The following ADARB2 variants were observed in gnomAD, a reference collection of about 807,000 sequenced individuals.
ADARB2 encodes inactive double-stranded RNA-specific editase B2.
In ADARB2, 25 loss-of-function variants were observed where a neutral mutation model predicts 62.2. The ratio of observed to expected loss-of-function variants is 0.40; its 90% CI spans 0.29 to 0.56. The LOEUF (loss-of-function observed/expected upper bound fraction) is 0.56. ADARB2 is among the 20% of genes least tolerant of loss of function. ADARB2 has a pLI of 0.43. For synonymous variants in ADARB2, 572 were observed against 500.8 expected (o/e 1.14, Z -1.90); for missense variants, 1,071 against 1,077.4 (o/e 0.99, Z 0.08).
chr10:1,344,865 G>A (rs1832063878), intron 3 of ADARB2, among the ~76,000 whole-genome samples: 1 of 152,232 alleles, frequency 6.6e-6, no homozygotes, highest in South Asian at 2.1e-4. Flanking sequence ...GTTGGGCCAG[G>A]CCCACACCCG....
At chr10:1,379,264 A>G (rs1832461027) in intron 1 of ADARB2, 104 bp from the exon 2 acceptor site, 9 of 932,000 alleles carry the variant, frequency 9.7e-6, no homozygotes, top group African/African-American at 3.2e-5. Flanking sequence ...GGAGGTGGAG[A>G]GGTCACTTTG....
intron 1 of ADARB2, among the ~76,000 whole-genome samples, chr10:1,636,401 C>T (rs10794775): frequency 0.29 from 44,620 of 151,930 alleles, 7,450 homozygotes; most frequent in East Asian, 0.43. Flanking sequence ...CCTGTAGTCC[C>T]AGCTACTCAG....
chr10:1,368,307 G>A (rs1367234835), intron 2 of ADARB2, among the ~76,000 whole-genome samples: 1 of 152,200 alleles, frequency 6.6e-6, no homozygotes, highest in Non-Finnish European at 1.5e-5. Flanking sequence ...ACATCAATGG[G>A]CTGAGTGAGA....
intron 4 of ADARB2, among the ~76,000 whole-genome samples, chr10:1,252,292 A>T (rs1831044126): frequency 6.6e-6 from 1 of 152,216 alleles, no homozygotes; most frequent in African/African-American, 2.4e-5. Flanking sequence ...GAAAGGAATA[A>T]TTTTTACTCC....
chr10:1,494,562 T>C (rs184038012), intron 1 of ADARB2, among the ~76,000 whole-genome samples: 2 of 152,218 alleles, frequency 1.3e-5, no homozygotes, highest in African/African-American at 4.8e-5. Context: ...AAAAGCCTGT[T>C]AAATGTTATT....
chr10:1,235,503 TCCC>T (rs2131772634), intron 5 of ADARB2, among the ~76,000 whole-genome samples: 1 of 13,000 alleles, frequency 7.7e-5, no homozygotes, highest in South Asian at 2.2e-3. Flanking sequence ...CCCCTCTCCC[TCCC>T]GGTGTTTACT....
chr10:1,285,148 AG>A (rs1564246342), intron 3 of ADARB2, among the ~76,000 whole-genome samples: 1 of 87,004 alleles, frequency 1.1e-5, no homozygotes, highest in East Asian at 5.5e-4. Flanking sequence ...TATATGAAAA[AG>A]AGAGACATCC....
intron 1 of ADARB2, among the ~76,000 whole-genome samples, chr10:1,679,483 T>G (rs1834508403): frequency 1.3e-5 from 2 of 152,190 alleles, no homozygotes; most frequent in Non-Finnish European, 2.9e-5. Context: ...TATTTTGGCT[T>G]GAAATCTGTC....
At chr10:1,336,029 T>C (rs1414676508) in intron 3 of ADARB2, among the ~76,000 whole-genome samples, 3 of 152,240 alleles carry the variant, frequency 2.0e-5, no homozygotes, top group African/African-American at 7.2e-5. Flanking sequence ...TATTCAAAAA[T>C]AATTTGGTTG....
intron 6 of ADARB2, among the ~76,000 whole-genome samples, chr10:1,225,109 G>A (rs896094006): frequency 6.6e-6 from 1 of 152,044 alleles, no homozygotes; most frequent in African/African-American, 2.4e-5. Flanking sequence ...CCTGTATTGG[G>A]TGCATATATA....
intron 1 of ADARB2, among the ~76,000 whole-genome samples, chr10:1,599,935 G>T (rs951229980): frequency 6.6e-6 from 1 of 152,044 alleles, no homozygotes; most frequent in African/African-American, 2.4e-5. Context: ...TCTAGAAATG[G>T]AGTTTCACCA....
rs111320179 is a variant in ADARB2, at chr10:1,665,449, C to T, written c.100+71602G>A. 2.3e-3 allele frequency among the ~76,000 whole-genome samples: 357 copies of T among 152,366 alleles called. 2 individuals carry two copies. Among genetic ancestry groups the T allele is most frequent in the African/African-American group, 8.1e-3 (338 of 41,582 alleles). ...TGCCTCCACTGCCAATGCAGGAGCA[C>T]TGGGCCCACCCGAGAGGACCTCCAC... On this transcript the variant is annotated intron_variant, in intron 1 of 9. Coordinates refer to ENST00000381312, the MANE Select transcript of ADARB2 (RefSeq NM_018702.4).
intron 1 of ADARB2, among the ~76,000 whole-genome samples, chr10:1,516,239 A>G (rs1832007269): frequency 6.6e-6 from 1 of 151,738 alleles, no homozygotes. Context: ...ACCCCAAATA[A>G]ACCACCTTCC....
intron 1 of ADARB2, among the ~76,000 whole-genome samples, chr10:1,511,975 A>G (rs1347927850): frequency 1.3e-5 from 2 of 151,798 alleles, no homozygotes; most frequent in African/African-American, 2.4e-5. Context: ...TGCTGTCTAC[A>G]TTGGATACTA....
intron 3 of ADARB2, among the ~76,000 whole-genome samples, chr10:1,274,120 T>C (rs1271879424): frequency 6.6e-6 from 1 of 152,202 alleles, no homozygotes; most frequent in African/African-American, 2.4e-5. Context: ...CTTTCTCAGG[T>C]GACAGAATGC....
At chr10:1,317,755 G>A (rs993877612) in intron 3 of ADARB2, among the ~76,000 whole-genome samples, 2 of 148,614 alleles carry the variant, frequency 1.3e-5, no homozygotes, top group African/African-American at 5.0e-5. Flanking sequence ...GTAGGCCTGG[G>A]GGGGGGTGGG....
chr10:1,576,363 G>T (rs1183414129), intron 1 of ADARB2, among the ~76,000 whole-genome samples: 6 of 148,314 alleles, frequency 4.0e-5, no homozygotes, highest in Admixed American at 1.3e-4. Flanking sequence ...ACAGGAAGTG[G>T]CTTAGGGTCA....
intron 3 of ADARB2, among the ~76,000 whole-genome samples, chr10:1,335,247 G>A (rs914257534): frequency 2.6e-5 from 4 of 151,240 alleles, no homozygotes; most frequent in Non-Finnish European, 5.9e-5. Flanking sequence ...GGGATGGAGG[G>A]TGGGAGGGAT....
chr10:1,295,484 G>A (rs1419904520), intron 3 of ADARB2, among the ~76,000 whole-genome samples: 1 of 152,168 alleles, frequency 6.6e-6, no homozygotes, highest in Non-Finnish European at 1.5e-5. Flanking sequence ...CATCAGAGAT[G>A]TCCGATGCAA....
Sources: gnomAD v4.1 joint callset for allele counts (sites outside exome capture counted in the v4.1 genomes callset) on GRCh38, gnomAD v4.1.1 for gene constraint, MANE v1.5 for transcripts, NCBI Gene and HGNC (gene_info 2026-07-23, HGNC 2026-07-21) for gene names.